Variants in IQCJ observed in about 807,000 individuals in gnomAD.
IQCJ encodes IQ motif containing J.
Under a neutral mutation model 11.0 loss-of-function variants are expected in IQCJ, and 9 were observed. The ratio of observed to expected loss-of-function variants is 0.82; its 90% CI spans 0.49 to 1.43. IQCJ has a LOEUF of 1.43. IQCJ is among the 40% of genes most tolerant of loss of function. The pLI is 0.00. For missense variants in IQCJ, 146 were observed against 133.2 expected (o/e 1.10, Z -0.47); for synonymous variants, 55 against 51.3 (o/e 1.07, Z -0.31).
intron 1 of IQCJ, among the ~76,000 whole-genome samples, chr3:159,147,374 TCTC>T (rs1239215075): frequency 3.9e-5 from 6 of 152,240 alleles, no homozygotes; most frequent in Admixed American, 6.5e-5. Flanking sequence ...AGCCTTTGCT[TCTC>T]CTCTTCCTCA....
intron 1 of IQCJ, among the ~76,000 whole-genome samples, chr3:159,156,133 A>C (rs887453623): frequency 3.3e-5 from 5 of 152,198 alleles, no homozygotes; most frequent in African/African-American, 1.2e-4. Flanking sequence ...AATTTTATCT[A>C]ATCCCTACAT....
In IQCJ at chr3:159,135,200, C is replaced by T. The variant is rs552311052; in HGVS notation, c.9+65759C>T. Among the ~76,000 whole-genome samples, 3 of 152,270 alleles carry T rather than the reference C, an allele frequency of 2.0e-5. No homozygotes were observed. In the East Asian group the frequency reaches 5.8e-4, roughly 29 times the overall value. On this transcript the variant is annotated intron_variant, in intron 1 of 3. Transcript: ENST00000397832. The stretch of plus-strand genomic sequence containing the variant: ...TAAGCTTTGGATTTTACATTTCTTG[C>T]AAGGCTTACTTGGTATCTACCTCTG...
chr3:159,212,987 T>A (rs1203000288), intron 1 of IQCJ, among the ~76,000 whole-genome samples: 1 of 152,124 alleles, frequency 6.6e-6, no homozygotes. Flanking sequence ...TTTGTTGATA[T>A]TGGGTGATTT....
At chr3:159,235,360 T>C (rs1238055355) in intron 1 of IQCJ, among the ~76,000 whole-genome samples, 1 of 152,228 alleles carries the variant, frequency 6.6e-6, no homozygotes, top group East Asian at 1.9e-4. Flanking sequence ...CATTTTGTAA[T>C]GAGCCAGTTC....
At chr3:159,236,928 G>A (rs1456215673) in intron 1 of IQCJ, among the ~76,000 whole-genome samples, 1 of 152,126 alleles carries the variant, frequency 6.6e-6, no homozygotes. Flanking sequence ...AGCATCAAAA[G>A]TGATTTTGGT....
chr3:159,159,539 T>G (rs1721716471), intron 1 of IQCJ, among the ~76,000 whole-genome samples: 1 of 152,232 alleles, frequency 6.6e-6, no homozygotes, highest in African/African-American at 2.4e-5. Context: ...TAATCATAGT[T>G]GTGCTTTAAA....
intron 1 of IQCJ, among the ~76,000 whole-genome samples, chr3:159,204,383 C>T (rs535125708): frequency 1.1e-4 from 16 of 152,250 alleles, no homozygotes; most frequent in African/African-American, 3.6e-4. Context: ...CCTGCTGAGG[C>T]TGGAATATTT....
intron 1 of IQCJ, among the ~76,000 whole-genome samples, chr3:159,111,443 A>G (rs1314541986): frequency 6.6e-6 from 1 of 152,176 alleles, no homozygotes; most frequent in African/African-American, 2.4e-5. Context: ...TCTCAAACTG[A>G]TCTGGGGCTA....
rs150962155 is a variant in IQCJ, at chr3:159,090,496, G to A, written c.9+21055G>A. ...GTCAGTTCTGAGAAGCACATCGTCC[G>A]TAGAGTTGGTGGGTGGGGCTGGTCC... is the stretch of plus-strand genomic sequence containing the variant. On this transcript the variant is annotated intron_variant, in intron 1 of 3. Coordinates refer to ENST00000397832, the MANE Select transcript of IQCJ (RefSeq NM_001042706.3). Among the ~76,000 whole-genome samples, 185 of 151,924 alleles carry A rather than the reference G, an allele frequency of 1.2e-3. 9 individuals carry two copies. The highest frequency in any genetic ancestry group is 3.9e-3 in the African/African-American group (162 of 41,206).
At chr3:159,206,583 G>A (rs1232715296) in intron 1 of IQCJ, among the ~76,000 whole-genome samples, 1 of 152,214 alleles carries the variant, frequency 6.6e-6, no homozygotes, top group African/African-American at 2.4e-5. Flanking sequence ...AATCAAGATT[G>A]AAAGTGGATA....
intron 1 of IQCJ, among the ~76,000 whole-genome samples, chr3:159,102,270 C>G (rs1399438931): frequency 6.6e-6 from 1 of 152,174 alleles, no homozygotes; most frequent in African/African-American, 2.4e-5. Flanking sequence ...ATTCTGTTAT[C>G]ATAATCCTAT....
chr3:159,146,336 A>G (rs1720927411), intron 1 of IQCJ, among the ~76,000 whole-genome samples: 2 of 152,194 alleles, frequency 1.3e-5, no homozygotes, highest in South Asian at 2.1e-4. Flanking sequence ...AAAAGGAGGC[A>G]GTGTAAATAC....
At chr3:159,202,372 A>G (rs1458289044) in intron 1 of IQCJ, among the ~76,000 whole-genome samples, 2 of 152,216 alleles carry the variant, frequency 1.3e-5, no homozygotes, top group Non-Finnish European at 2.9e-5. Context: ...TTTTATCAAA[A>G]CAGAAGCAAA....
chr3:159,132,020 C>T (rs1051367735), intron 1 of IQCJ, among the ~76,000 whole-genome samples: 1 of 152,052 alleles, frequency 6.6e-6, no homozygotes, highest in African/African-American at 2.4e-5. Context: ...CATGAATTTG[C>T]CTCTGTCAGC....
chr3:159,191,938 T>C (rs1666678074), intron 1 of IQCJ, among the ~76,000 whole-genome samples: 2 of 152,216 alleles, frequency 1.3e-5, no homozygotes, highest in African/African-American at 4.8e-5. Flanking sequence ...CTTTGGTACA[T>C]TCCTCCATAA....
At chr3:159,184,473 C>G (rs1394770919) in intron 1 of IQCJ, among the ~76,000 whole-genome samples, 3 of 152,184 alleles carry the variant, frequency 2.0e-5, no homozygotes, top group African/African-American at 4.8e-5. Context: ...TTTATTGTCT[C>G]TCTCTCCCTC....
intron 1 of IQCJ, among the ~76,000 whole-genome samples, chr3:159,134,416 C>T (rs977075192): frequency 6.6e-6 from 1 of 152,130 alleles, no homozygotes. Context: ...CACCTATAAG[C>T]CTCTCCAATA....
intron 1 of IQCJ, among the ~76,000 whole-genome samples, chr3:159,127,258 A>G (rs1719730094): frequency 6.6e-6 from 1 of 152,178 alleles, no homozygotes; most frequent in Admixed American, 6.5e-5. Context: ...TTGAGAGGAC[A>G]AAGTTTCCAC....
chr3:159,245,748 T>C, intron 1 of IQCJ, 95 bp from the exon 2 acceptor site: 1 of 1,062,424 alleles, frequency 9.4e-7, no homozygotes, highest in Non-Finnish European at 1.4e-6. Flanking sequence ...CTCTTAATGT[T>C]GTGTTGTATC....
Sources: allele counts gnomAD v4.1 joint callset (sites outside exome capture counted in the v4.1 genomes callset), GRCh38; gene constraint gnomAD v4.1.1; transcripts MANE v1.5; gene names NCBI Gene and HGNC (gene_info 2026-07-23, HGNC 2026-07-21).